Variants in TRABD2B observed in about 807,000 individuals in gnomAD.
TRABD2B encodes the protein TraB domain containing 2B.
A neutral mutation model predicts 40.1 loss-of-function variants in TRABD2B; 14 were observed. The ratio of observed to expected loss-of-function variants is 0.35; its 90% CI spans 0.23 to 0.55. The LOEUF (loss-of-function observed/expected upper bound fraction) is 0.55, where lower values mean the gene tolerates loss of function less well. TRABD2B is among the 20% of genes least tolerant of loss of function. The probability of loss-of-function intolerance (pLI) is 0.90; values close to 1 mark genes in which losing one functional copy is unlikely to be tolerated. For missense variants in TRABD2B, 541 were observed against 648.6 expected (o/e 0.83, Z 1.80); for synonymous variants, 263 against 277.0 (o/e 0.95, Z 0.50).
intron 2 of TRABD2B, among the ~76,000 whole-genome samples, chr1:47,992,069 A>C (rs1419809599): frequency 6.6e-6 from 1 of 152,136 alleles, no homozygotes; most frequent in Non-Finnish European, 1.5e-5. Context: ...AAGGGTATGG[A>C]GATTAGGGAA....
In TRABD2B at chr1:47,762,803, C is replaced by T. The variant is rs1325464382; in HGVS notation, c.*3099G>A. On this transcript the variant is annotated 3_prime_UTR_variant, in exon 7 of 7. Coordinates refer to ENST00000606738, the MANE Select transcript of TRABD2B (RefSeq NM_001194986.2). ...TGTCTTCATCTGGCTGCTGGTGCAT[C>T]AGACCCACCACTGGAGGAAGACCTG... 6.6e-6 allele frequency: 1 copy of T among 152,130 alleles called. No homozygotes were observed. Among genetic ancestry groups the T allele is most frequent in the Non-Finnish European group, 1.5e-5 (1 of 68,030 alleles). 9.4% of individuals were successfully genotyped at this position (152,130 alleles called of 1,614,324 possible). A position where few individuals can be genotyped will look rare whatever the true frequency, so the allele number is the denominator to read the frequency against.
chr1:47,844,464 C>T (rs530898225), intron 2 of TRABD2B, among the ~76,000 whole-genome samples: 59 of 152,288 alleles, frequency 3.9e-4, no homozygotes, highest in Non-Finnish European at 7.2e-4. Flanking sequence ...TCTCATTGCC[C>T]AGATGCCGTT....
At chr1:47,950,935 T>C (rs1645333808) in intron 2 of TRABD2B, among the ~76,000 whole-genome samples, 1 of 152,212 alleles carries the variant, frequency 6.6e-6, no homozygotes, top group African/African-American at 2.4e-5. Context: ...CCTGAACCCT[T>C]GGGCCTGCTT....
In TRABD2B at chr1:47,996,841, C is replaced by A. The variant is rs1646100667; in HGVS notation, c.-52G>T. On this transcript the variant is annotated 5_prime_UTR_variant, in exon 1 of 7. Transcript: ENST00000606738. This position sits in a 1 kb window ranked among gnomAD's most constrained non-coding sequence, Gnocchi z 4.6. Reference sequence around the variant, plus strand: ...GACCCTCCTGGGCGGCGCCCCTCAGCGGGGCGGGGAGCCCCCAGTTGGGCA... The same window carrying A: ...GACCCTCCTGGGCGGCGCCCCTCAGAGGGGCGGGGAGCCCCCAGTTGGGCA... The A allele has an allele frequency of 2.6e-6, 3 of 1,163,404 alleles. No homozygotes were observed. Among genetic ancestry groups the A allele is most frequent in the Non-Finnish European group, 3.2e-6 (3 of 944,288 alleles). The allele number at this position is 1,163,404 out of a possible 1,614,324, so 72.1% of individuals were successfully genotyped here. A position where few individuals can be genotyped will look rare whatever the true frequency, so the allele number is the denominator to read the frequency against.
intron 2 of TRABD2B, among the ~76,000 whole-genome samples, chr1:47,874,196 G>T (rs1374457791): frequency 1.3e-5 from 2 of 149,012 alleles, no homozygotes; most frequent in Non-Finnish European, 3.0e-5. Context: ...AGAGATAAAA[G>T]AATTCAATTC....
At chr1:47,905,925 C>G (rs1312356509) in intron 2 of TRABD2B, among the ~76,000 whole-genome samples, 1 of 152,212 alleles carries the variant, frequency 6.6e-6, no homozygotes, top group Non-Finnish European at 1.5e-5. Context: ...TCTCACCAGC[C>G]TCTATCCCTT....
chr1:47,854,684 A>T (rs540939913), intron 2 of TRABD2B, among the ~76,000 whole-genome samples: 2 of 152,336 alleles, frequency 1.3e-5, no homozygotes, highest in East Asian at 3.9e-4. Context: ...ATTTAGAGCA[A>T]GTAAAGCTGA....
At chr1:47,849,134 T>C (rs1645512593) in intron 2 of TRABD2B, among the ~76,000 whole-genome samples, 1 of 152,194 alleles carries the variant, frequency 6.6e-6, no homozygotes, top group Non-Finnish European at 1.5e-5. Context: ...TCCTAATTCA[T>C]ATGGTGAAGC....
chr1:47,891,314 A>G (rs1295176911), intron 2 of TRABD2B, among the ~76,000 whole-genome samples: 1 of 152,216 alleles, frequency 6.6e-6, no homozygotes, highest in Non-Finnish European at 1.5e-5. Flanking sequence ...CACGCCATGT[A>G]GGAAAAGGTG....
chr1:47,991,245 G>T (rs972498074), intron 2 of TRABD2B, among the ~76,000 whole-genome samples: 2 of 152,102 alleles, frequency 1.3e-5, no homozygotes, highest in African/African-American at 4.8e-5. Context: ...AAGCCATAGG[G>T]TTGTTATGAG....
intron 2 of TRABD2B, among the ~76,000 whole-genome samples, chr1:47,882,795 G>C (rs1644323088): frequency 1.3e-5 from 2 of 151,972 alleles, no homozygotes; most frequent in South Asian, 4.2e-4. Context: ...GGTAGCTTGT[G>C]GGGAAATTTT....
chr1:47,978,249 G>C (rs1050514170), intron 2 of TRABD2B, among the ~76,000 whole-genome samples: 2 of 152,156 alleles, frequency 1.3e-5, no homozygotes, highest in African/African-American at 4.8e-5. Context: ...CCGTGAACCA[G>C]AAAGCTGTTC....
intron 2 of TRABD2B, among the ~76,000 whole-genome samples, chr1:47,830,094 A>G (rs2124445312): frequency 6.6e-6 from 1 of 152,136 alleles, no homozygotes; most frequent in East Asian, 1.9e-4. Context: ...CCTGGTCAGA[A>G]GTGCTCCTGT....
intron 2 of TRABD2B, among the ~76,000 whole-genome samples, chr1:47,977,530 T>C (rs1243931502): frequency 6.6e-6 from 1 of 152,124 alleles, no homozygotes; most frequent in Admixed American, 6.5e-5. Context: ...AAGATAGGTA[T>C]TCTTATCTCC....
chr1:47,897,845 T>C (rs1264764552), intron 2 of TRABD2B, among the ~76,000 whole-genome samples: 1 of 152,172 alleles, frequency 6.6e-6, no homozygotes, highest in African/African-American at 2.4e-5. Flanking sequence ...ACCATATCTT[T>C]TTTAGAGGGT....
intron 2 of TRABD2B, among the ~76,000 whole-genome samples, chr1:47,953,691 G>C (rs1029996183): frequency 9.9e-5 from 15 of 152,204 alleles, no homozygotes; most frequent in Admixed American, 9.8e-4. Flanking sequence ...ACATAAGCCA[G>C]TATCCCAAGG....
chr1:47,779,882 C>A (rs1569907688), intron 4 of TRABD2B, among the ~76,000 whole-genome samples: 1 of 152,146 alleles, frequency 6.6e-6, no homozygotes, highest in African/African-American at 2.4e-5. Context: ...CCAGGGAGGT[C>A]TAGGAGAGTA....
intron 2 of TRABD2B, among the ~76,000 whole-genome samples, chr1:47,956,109 A>G (rs931216161): frequency 1.3e-5 from 2 of 152,196 alleles, no homozygotes; most frequent in African/African-American, 4.8e-5. Context: ...GCTCAGAACC[A>G]CAACAAGGAG....
intron 2 of TRABD2B, among the ~76,000 whole-genome samples, chr1:47,965,345 C>T (rs946248828): frequency 2.0e-5 from 3 of 148,648 alleles, no homozygotes; most frequent in Non-Finnish European, 4.5e-5. Flanking sequence ...AGGTCCAGGA[C>T]AAAGTTACAG....
Sources: allele counts gnomAD v4.1 joint callset (sites outside exome capture counted in the v4.1 genomes callset), GRCh38; gene constraint gnomAD v4.1.1; non-coding constraint Gnocchi (gnomAD v3.1); transcripts MANE v1.5; gene names NCBI Gene and HGNC (gene_info 2026-07-23, HGNC 2026-07-21).